The following GRIP2 variants were observed in gnomAD, a reference collection of about 807,000 sequenced individuals.
The protein encoded by GRIP2 is glutamate receptor interacting protein 2.
In GRIP2, 58 loss-of-function variants were observed where a neutral mutation model predicts 108.3. The observed-to-expected ratio is 0.54, with a 90% CI of 0.43 to 0.67. GRIP2 has a LOEUF of 0.67. Ranked by LOEUF, GRIP2 falls within the 30% of genes least tolerant of loss-of-function variation. The pLI is 0.00. For synonymous variants in GRIP2, 586 were observed against 598.2 expected (o/e 0.98, Z 0.30); for missense variants, 1,278 against 1,430.6 (o/e 0.89, Z 1.72).
the GRIP2 span, among the ~76,000 whole-genome samples, chr3:14,572,659 A>C: frequency 6.6e-6 from 1 of 151,018 alleles, no homozygotes; most frequent in African/African-American, 2.4e-5. Context: ...TTATCACAGG[A>C]AGTAGTATAA....
At chr3:14,585,590 G>A in the GRIP2 span, among the ~76,000 whole-genome samples, 634 of 152,316 alleles carry the variant, frequency 4.2e-3, 18 homozygotes, top group East Asian at 0.066. Flanking sequence ...GGAAACAGAC[G>A]TGAGCTGCAA....
intron 1 of GRIP2, among the ~76,000 whole-genome samples, chr3:14,550,713 C>G (rs1226714919): frequency 3.3e-5 from 5 of 152,196 alleles, no homozygotes; most frequent in Admixed American, 6.5e-5. Flanking sequence ...CCCTGGAACC[C>G]CTTCACCTCC....
At chr3:14,602,698 C>T in the GRIP2 span, among the ~76,000 whole-genome samples, 1 of 151,942 alleles carries the variant, frequency 6.6e-6, no homozygotes, top group South Asian at 2.1e-4. This position sits in a 1 kb window ranked among gnomAD's most constrained non-coding sequence, Gnocchi z 4.7. Context: ...CCACTGCTGG[C>T]TTTCCGGGAC....
chr3:14,498,364 G>A (rs549280074), intron 21 of GRIP2, among the ~76,000 whole-genome samples: 10 of 152,200 alleles, frequency 6.6e-5, no homozygotes, highest in Non-Finnish European at 1.3e-4. Context: ...TAGGGAGGCT[G>A]AGGTGGGAGG....
At chr3:14,590,793 G>C in the GRIP2 span, among the ~76,000 whole-genome samples, 1 of 152,238 alleles carries the variant, frequency 6.6e-6, no homozygotes, top group Non-Finnish European at 1.5e-5. Flanking sequence ...GTATAAAGGG[G>C]CTGGGTGGAG....
At chr3:14,567,823 T>C in the GRIP2 span, among the ~76,000 whole-genome samples, 11 of 152,262 alleles carry the variant, frequency 7.2e-5, no homozygotes, top group Admixed American at 6.5e-4. Context: ...ATGATAAATA[T>C]GTAACACACC....
intron 1 of GRIP2, among the ~76,000 whole-genome samples, chr3:14,535,800 C>T (rs1694820013): frequency 6.6e-6 from 1 of 152,242 alleles, no homozygotes; most frequent in Non-Finnish European, 1.5e-5. Context: ...ACCTTCCTGC[C>T]TACTCCCCCA....
chr3:14,582,665 T>C, the GRIP2 span, among the ~76,000 whole-genome samples: 1 of 152,200 alleles, frequency 6.6e-6, no homozygotes, highest in African/African-American at 2.4e-5. Context: ...ACCTTTGTAT[T>C]TGTGCATGCA....
chr3:14,540,456 T>C (rs1694942067), upstream of GRIP2: 1 of 1,546,520 alleles, frequency 6.5e-7, no homozygotes, highest in Admixed American at 1.9e-5. The surrounding 1 kb of genome is among the most constrained non-coding windows in gnomAD (Gnocchi z 4.1). Context: ...AGCGGGCGGC[T>C]CTCTGCTTAA....
upstream of GRIP2, chr3:14,541,827 C>T (rs2124963959): frequency 8.0e-7 from 1 of 1,250,936 alleles, no homozygotes; most frequent in Non-Finnish European, 1.1e-6. Context: ...ATTTAGTGGA[C>T]ATTTCCTGGA....
At chr3:14,535,776 C>T (rs184934224) in intron 1 of GRIP2, among the ~76,000 whole-genome samples, 18 of 152,180 alleles carry the variant, frequency 1.2e-4, no homozygotes, top group African/African-American at 4.1e-4. Flanking sequence ...GGGGTCTGGC[C>T]CTACCCTCTG....
chr3:14,509,308 C>CGA lies in GRIP2; in HGVS notation c.2078+511_2078+512insTC, dbSNP rs1262726853. On this transcript the variant is annotated intron_variant, in intron 17 of 23. Coordinates refer to ENST00000621039, the MANE Select transcript of GRIP2 (RefSeq NM_001080423.4). ...GCTCGGGGGAGAAGGCTCGGTCTCA[C>CGA]CCACACTGGGGGTCGGGTTCCATCT... Among the ~76,000 whole-genome samples the CGA allele has an allele frequency of 7.2e-5, 11 of 152,254 alleles. No individual in the cohort carries two copies. In the East Asian group the frequency reaches 1.9e-3, roughly 27 times the overall value.
chr3:14,521,337 T>C lies in GRIP2; in HGVS notation c.712+305A>G. ...CCATCTCTCTCCCCTGCCTCTTTTCTTTTTTCCATAGCACTTATTGCCAAC... is the reference window on the plus strand; with the variant it reads ...CCATCTCTCTCCCCTGCCTCTTTTCCTTTTTCCATAGCACTTATTGCCAAC... On this transcript the variant is annotated intron_variant, in intron 7 of 23. Transcript: ENST00000621039. The surrounding 1 kb of genome is among the most constrained non-coding windows in gnomAD (Gnocchi z 5.1). 1 of 300,146 alleles carries C rather than the reference T, an allele frequency of 3.3e-6. No homozygotes were observed. The highest frequency in any genetic ancestry group is 6.1e-6 in the Non-Finnish European group (1 of 163,948). The allele number at this position is 300,146 out of a possible 1,614,324, so 18.6% of individuals were successfully genotyped here.
At chr3:14,575,463 T>A in the GRIP2 span, among the ~76,000 whole-genome samples, 1 of 151,998 alleles carries the variant, frequency 6.6e-6, no homozygotes, top group Non-Finnish European at 1.5e-5. Context: ...TGGTTTTGAG[T>A]GGTGTGTGGT....
At chr3:14,539,540 T>C (rs533380335) in intron 1 of GRIP2, among the ~76,000 whole-genome samples, 2 of 152,126 alleles carry the variant, frequency 1.3e-5, no homozygotes, top group Non-Finnish European at 2.9e-5. Flanking sequence ...GGTGCAAAGA[T>C]ATGTCAAGAG....
At chr3:14,546,863 G>C (rs1168155290), upstream of GRIP2, among the ~76,000 whole-genome samples, 7 of 152,196 alleles carry the variant, frequency 4.6e-5, no homozygotes, top group South Asian at 8.3e-4. Flanking sequence ...AGCTGGTGGG[G>C]GGTAAACTGA....
In GRIP2 at chr3:14,521,747, C is replaced by T. The variant is rs200966125; in HGVS notation, c.607G>A (p.Asp203Asn). The T allele has an allele frequency of 4.5e-5, 73 of 1,609,082 alleles. No homozygotes were observed. The highest frequency in any genetic ancestry group is 5.7e-5 in the Non-Finnish European group (67 of 1,178,356). The part of the protein sequence containing the change: ...LKVGDRLLSV[D>N]GIPLHGASHA... ...CTGGCCCCGTGCAGCGGGATTCCAT[C>T]GACACTGAGCAGCCTGTCGCCCACC... is the stretch of plus-strand genomic sequence containing the variant. The change falls in exon 7 of 24, where the codon GAT (aspartate) becomes AAT (asparagine). Residue 203 changes from aspartate to asparagine, a missense_variant. Physicochemically the swap from Asp to Asn is conservative, Grantham distance 23. Transcript: ENST00000621039. This position sits in a 1 kb window ranked among gnomAD's most constrained non-coding sequence, Gnocchi z 5.1.
chr3:14,578,571 G>C, the GRIP2 span, among the ~76,000 whole-genome samples: 1 of 152,060 alleles, frequency 6.6e-6, no homozygotes, highest in Non-Finnish European at 1.5e-5. Flanking sequence ...ACAAAAATTA[G>C]CCAGGCATGG....
upstream of GRIP2, among the ~76,000 whole-genome samples, chr3:14,542,592 T>C (rs1694995115): frequency 6.6e-6 from 1 of 152,050 alleles, no homozygotes; most frequent in Admixed American, 6.6e-5. Context: ...TCCTTTGGAG[T>C]TTACTTTTGT....
Sources: gnomAD v4.1 joint callset for allele counts (sites outside exome capture counted in the v4.1 genomes callset) on GRCh38, gnomAD v4.1.1 for gene constraint, Gnocchi (gnomAD v3.1) non-coding constraint, MANE v1.5 for transcripts, NCBI Gene and HGNC (gene_info 2026-07-23, HGNC 2026-07-21) for gene names.